Variants in ZBTB7C observed in about 807,000 individuals in gnomAD.
ZBTB7C encodes zinc finger and BTB domain containing 7C, also known as zinc finger and BTB domain-containing protein 7C.
ZBTB7C carries 8 observed loss-of-function variants against 25.7 expected under a neutral mutation model. The ratio of observed to expected loss-of-function variants is 0.31; its 90% confidence interval spans 0.18 to 0.56. The LOEUF (loss-of-function observed/expected upper bound fraction) is 0.56. Among genes scored for constraint, ZBTB7C ranks in the 20% least tolerant of loss-of-function variants. ZBTB7C has a pLI of 0.91. For synonymous variants in ZBTB7C, 394 were observed against 369.0 expected (o/e 1.07, Z -0.78); for missense variants, 824 against 855.2 (o/e 0.96, Z 0.46).
rs1011940439 is a variant in ZBTB7C at position 48,028,434 on chromosome 18, A to T, written c.*826T>A. 2 of 152,150 alleles carry T rather than the reference A, an allele frequency of 1.3e-5. No individual in the cohort carries two copies. Among genetic ancestry groups the T allele is most frequent in the Admixed American group, 1.3e-4 (2 of 15,282 alleles). The allele number at this position is 152,150 out of a possible 1,614,324, so 9.4% of individuals were successfully genotyped here. On this transcript the variant is annotated 3_prime_UTR_variant, in exon 5 of 5. Transcript: ENST00000590800. ...TCTGTCTAGTCTGGCCATATTTCTCACCTATGCTAATATGCTAATATAGAG... is the reference window on the plus strand; with the variant it reads ...TCTGTCTAGTCTGGCCATATTTCTCTCCTATGCTAATATGCTAATATAGAG...
chr18:48,255,588 A>G (rs1029488769), intron 2 of ZBTB7C, among the ~76,000 whole-genome samples: 1 of 152,244 alleles, frequency 6.6e-6, no homozygotes, highest in Non-Finnish European at 1.5e-5. Flanking sequence ...AGTTTTAGCC[A>G]GCATGATAAG....
chr18:48,147,174 T>G lies in ZBTB7C; in HGVS notation c.-17+38760A>C, dbSNP rs951775873. ...CTCACTGCAACCTCCGCCTCCTGGG[T>G]TCAAGTGATTCTCGTGCCTCAGCAT... On this transcript the variant is annotated intron_variant, in intron 3 of 4. Coordinates refer to ENST00000590800, the MANE Select transcript of ZBTB7C (RefSeq NM_001318841.2). 9.2e-5 allele frequency among the ~76,000 whole-genome samples: 14 copies of G among 152,074 alleles called. No individual in the cohort carries two copies. The East Asian group carries it at 2.7e-3, about 29-fold the overall frequency.
At chr18:48,141,092 G>C (rs368873430) in intron 3 of ZBTB7C, among the ~76,000 whole-genome samples, 1 of 149,930 alleles carries the variant, frequency 6.7e-6, no homozygotes, top group African/African-American at 2.5e-5. Context: ...CCCTTCTCTC[G>C]CCAAACTCCC....
intron 1 of ZBTB7C, among the ~76,000 whole-genome samples, chr18:48,362,310 T>C (rs921592286): frequency 1.2e-4 from 19 of 152,216 alleles, no homozygotes; most frequent in Non-Finnish European, 2.9e-5. Context: ...TGAACGTTTG[T>C]GTCTGTCTCC....
intron 1 of ZBTB7C, among the ~76,000 whole-genome samples, chr18:48,402,928 T>C (rs1443094910): frequency 6.6e-6 from 1 of 152,252 alleles, no homozygotes; most frequent in African/African-American, 2.4e-5. Flanking sequence ...TTAATTTCCT[T>C]ATGAATCTGT....
At chr18:48,286,184 A>C (rs1382102674) in intron 2 of ZBTB7C, among the ~76,000 whole-genome samples, 3 of 151,576 alleles carry the variant, frequency 2.0e-5, no homozygotes, top group Non-Finnish European at 2.9e-5. Flanking sequence ...TCATTTTATC[A>C]GGGTATAATT....
rs535798475 is a variant in ZBTB7C at position 48,202,740 on chromosome 18, G to A, written c.-78-16745C>T. ...ATAGAAGGCCAGTGATGTTGACACT[G>A]GCACAGCCTGAACAGAGGTGGAACA... On this transcript the variant is annotated intron_variant, in intron 2 of 4. Transcript: ENST00000590800. Among the ~76,000 whole-genome samples, 5 of 151,956 alleles carry A rather than the reference G, an allele frequency of 3.3e-5. No homozygotes were observed. The South Asian group carries it at 1.0e-3, about 32-fold the overall frequency.
At chr18:48,032,599 T>C (rs2035810267) in intron 4 of ZBTB7C, among the ~76,000 whole-genome samples, 1 of 151,744 alleles carries the variant, frequency 6.6e-6, no homozygotes, top group South Asian at 2.1e-4. Context: ...TACGCCTGGC[T>C]AATTTTTTTT....
intron 2 of ZBTB7C, among the ~76,000 whole-genome samples, chr18:48,314,632 A>C (rs4940352): frequency 0.45 from 68,357 of 151,778 alleles, 15,858 homozygotes; most frequent in East Asian, 0.76. Flanking sequence ...AGTACTGTAT[A>C]CCCAATCAGG....
chr18:48,407,812 G>C (rs966084797), intron 1 of ZBTB7C, among the ~76,000 whole-genome samples: 8 of 152,198 alleles, frequency 5.3e-5, no homozygotes, highest in African/African-American at 1.9e-4. Context: ...AGGACTGAGA[G>C]TTTCCACCTC....
rs2035579350 is a variant in ZBTB7C, at chr18:48,027,947, C to T, written c.*1313G>A. On this transcript the variant is annotated 3_prime_UTR_variant, in exon 5 of 5. Transcript: ENST00000590800. ...ACTCTAACTCACAGAGCCCTTCAAA[C>T]CTCAGAGGCCTCCACCTCCCTGCAC... 1 of 152,260 alleles carries T rather than the reference C, an allele frequency of 6.6e-6. No homozygotes were observed. The highest frequency in any genetic ancestry group is 6.5e-5 in the Admixed American group (1 of 15,284). The allele number at this position is 152,260 out of a possible 1,614,324, so 9.4% of individuals were successfully genotyped here. A position where few individuals can be genotyped will look rare whatever the true frequency, so the allele number is the denominator to read the frequency against.
Position 48,040,240 on chromosome 18 carries a change from T to C in ZBTB7C, c.868A>G (p.Lys290Glu). ...LDLVIKNRKI[K>E]EEEKEELPPP... Reference sequence around the variant, plus strand: ...GGCAGCTCCTCCTTCTCCTCCTCCTTGATCTTCCGATTCTTGATGACCAGA... The same window carrying C: ...GGCAGCTCCTCCTTCTCCTCCTCCTCGATCTTCCGATTCTTGATGACCAGA... The change falls in exon 4 of 5, where the codon AAG becomes GAG. Residue 290 changes from lysine (K) to glutamate (E), a missense_variant. Around this residue, in one of 4 missense-constraint regions of ZBTB7C, gnomAD observed 316 missense variants for 299.2 expected, o/e 1.06. Coordinates refer to ENST00000590800, the MANE Select transcript of ZBTB7C (RefSeq NM_001318841.2). 1 of 1,564,952 alleles carries C rather than the reference T, an allele frequency of 6.4e-7. No individual in the cohort carries two copies.
intron 2 of ZBTB7C, among the ~76,000 whole-genome samples, chr18:48,248,104 T>G (rs1298979189): frequency 6.6e-6 from 1 of 152,202 alleles, no homozygotes; most frequent in African/African-American, 2.4e-5. Context: ...CTCCTTTACC[T>G]TCTGCCATGA....
At chr18:48,285,069 T>C (rs1004519642) in intron 2 of ZBTB7C, among the ~76,000 whole-genome samples, 3 of 152,258 alleles carry the variant, frequency 2.0e-5, no homozygotes, top group Admixed American at 6.5e-5. Flanking sequence ...TGTTCATTGT[T>C]AGTTTCTATA....
chr18:48,036,292 G>C (rs543624516), intron 4 of ZBTB7C, among the ~76,000 whole-genome samples: 1 of 152,208 alleles, frequency 6.6e-6, no homozygotes, highest in Non-Finnish European at 1.5e-5. Flanking sequence ...GGCCTTAGGG[G>C]TGAAGGGGCT....
intron 2 of ZBTB7C, among the ~76,000 whole-genome samples, chr18:48,208,285 T>C (rs77726593): frequency 0.011 from 1,718 of 152,100 alleles, 7 homozygotes; most frequent in Non-Finnish European, 0.017. Flanking sequence ...AGTGGTTCCT[T>C]TACTTTTGGA....
chr18:48,220,129 C>A (rs2042914929), intron 2 of ZBTB7C, among the ~76,000 whole-genome samples: 1 of 151,088 alleles, frequency 6.6e-6, no homozygotes, highest in African/African-American at 2.4e-5. Flanking sequence ...ATCCCAGGCC[C>A]CAAGTTCACA....
At chr18:48,206,982 G>A (rs1270301875) in intron 2 of ZBTB7C, among the ~76,000 whole-genome samples, 3 of 151,912 alleles carry the variant, frequency 2.0e-5, no homozygotes, top group Non-Finnish European at 4.4e-5. Flanking sequence ...AACATACAAA[G>A]AAAGACAACA....
chr18:48,038,906 C>T (rs1037161237), intron 4 of ZBTB7C, among the ~76,000 whole-genome samples: 2 of 152,164 alleles, frequency 1.3e-5, no homozygotes, highest in African/African-American at 4.8e-5. Flanking sequence ...GCCCTCCCCA[C>T]CTGTGGACAT....
Sources: gnomAD v4.1 joint callset for allele counts (sites outside exome capture counted in the v4.1 genomes callset) on GRCh38, gnomAD v4.1.1 for gene constraint, gnomAD v4.1.1 regional missense constraint, MANE v1.5 for transcripts, NCBI Gene and HGNC (gene_info 2026-07-23, HGNC 2026-07-21) for gene names.